Variants in ADGRV1 observed in about 807,000 individuals in gnomAD.
ADGRV1 encodes the protein G-protein coupled receptor 98.
ADGRV1 carries 359 observed loss-of-function variants against 596.2 expected under a neutral mutation model. The observed-to-expected ratio is 0.60, with a 90% CI of 0.55 to 0.66. The LOEUF (loss-of-function observed/expected upper bound fraction) is 0.66. Among genes scored for constraint, ADGRV1 ranks in the 30% least tolerant of loss-of-function variants. ADGRV1 has a pLI of 0.00. For missense variants in ADGRV1, 7,274 were observed against 7,575.6 expected, an observed-to-expected ratio of 0.96 and a Z score of 1.48; for synonymous variants, 2,681 against 2,679.2, an observed-to-expected ratio of 1.00 and a Z score of -0.02.
chr5:90,863,838 C>CA lies in ADGRV1; in HGVS notation c.17838dup (p.Ala5947SerfsTer21), dbSNP rs1429385936. On this transcript the variant is annotated frameshift_variant, in exon 83 of 90. Coordinates refer to ENST00000405460, the MANE Select transcript of ADGRV1 (RefSeq NM_032119.4). LOFTEE classifies it high-confidence loss of function. The stretch of plus-strand genomic sequence containing the variant: ...GCTAAACTTCTGACTCACATGATGG[C>CA]AGCCAGCTTAGGTACACAGGTAGGA... 1 of 1,611,892 alleles carries CA rather than the reference C, an allele frequency of 6.2e-7. No individual in the cohort carries two copies. Among genetic ancestry groups the CA allele is most frequent in the Non-Finnish European group, 8.5e-7 (1 of 1,178,168 alleles).
At chr5:91,114,213 C>T (rs1333256562) in intron 87 of ADGRV1, among the ~76,000 whole-genome samples, 11 of 150,390 alleles carry the variant, frequency 7.3e-5, no homozygotes, top group African/African-American at 2.2e-4. Context: ...TGAGAGACTT[C>T]GTCTCAAAAA....
chr5:91,053,172 G>A (rs1468327975), intron 85 of ADGRV1, among the ~76,000 whole-genome samples: 1 of 152,034 alleles, frequency 6.6e-6, no homozygotes, highest in African/African-American at 2.4e-5. Context: ...AACTGTCTGG[G>A]GTTCTTTTGA....
intron 85 of ADGRV1, among the ~76,000 whole-genome samples, chr5:91,057,573 A>G (rs1787000811): frequency 1.3e-5 from 2 of 152,224 alleles, no homozygotes; most frequent in African/African-American, 2.4e-5. Context: ...TGCTGTTCCT[A>G]TTTTATTTCA....
At chr5:90,955,028 A>G (rs939082006) in intron 83 of ADGRV1, among the ~76,000 whole-genome samples, 3 of 152,004 alleles carry the variant, frequency 2.0e-5, no homozygotes, top group Admixed American at 1.3e-4. Context: ...GTGCACTTAG[A>G]AGAAAAGACC....
chr5:90,988,060 C>T (rs1047028408), intron 85 of ADGRV1, among the ~76,000 whole-genome samples: 7 of 152,108 alleles, frequency 4.6e-5, no homozygotes, highest in South Asian at 2.1e-4. Flanking sequence ...TATTAATAGG[C>T]GGATACCCTG....
intron 86 of ADGRV1, among the ~76,000 whole-genome samples, chr5:91,083,164 T>G (rs564409644): frequency 6.6e-6 from 1 of 150,872 alleles, no homozygotes; most frequent in Admixed American, 6.6e-5. Context: ...CACCGCATGT[T>G]CTCACTCATA....
At chr5:91,047,986 A>G (rs562929570) in intron 85 of ADGRV1, among the ~76,000 whole-genome samples, 14 of 152,356 alleles carry the variant, frequency 9.2e-5, no homozygotes, top group African/African-American at 2.9e-4. Flanking sequence ...AGTTAAAACT[A>G]CTATCCTTCC....
intron 75 of ADGRV1, among the ~76,000 whole-genome samples, chr5:90,817,047 A>G (rs1209636260): frequency 6.6e-6 from 1 of 152,090 alleles, no homozygotes. Flanking sequence ...AAGTGTTCCT[A>G]TTTCTCCACA....
intron 83 of ADGRV1, among the ~76,000 whole-genome samples, chr5:90,871,473 A>G (rs988212207): frequency 2.0e-5 from 3 of 152,240 alleles, no homozygotes; most frequent in African/African-American, 7.2e-5. Context: ...CATGGTCACA[A>G]TACTGGGAAA....
At chr5:90,561,812 A>G (rs1271020710) in intron 1 of ADGRV1, among the ~76,000 whole-genome samples, 3 of 152,228 alleles carry the variant, frequency 2.0e-5, no homozygotes, top group Non-Finnish European at 4.4e-5. Flanking sequence ...TAATTTGGTT[A>G]TAAAATGCAG....
intron 85 of ADGRV1, among the ~76,000 whole-genome samples, chr5:91,048,565 T>C (rs938050266): frequency 6.6e-6 from 1 of 152,194 alleles, no homozygotes; most frequent in Non-Finnish European, 1.5e-5. Context: ...ATTGTAGGTA[T>C]CTTGTTCTCT....
intron 1 of ADGRV1, among the ~76,000 whole-genome samples, chr5:90,575,671 G>A (rs1757108952): frequency 6.6e-6 from 1 of 152,148 alleles, no homozygotes; most frequent in Non-Finnish European, 1.5e-5. Flanking sequence ...CCTTGCCCCA[G>A]GGTTTTGTCT....
intron 61 of ADGRV1, among the ~76,000 whole-genome samples, chr5:90,777,136 A>G (rs1044953869): frequency 6.6e-6 from 1 of 152,144 alleles, no homozygotes; most frequent in Non-Finnish European, 1.5e-5. Context: ...GAAACTTACA[A>G]TTATGGCAGA....
chr5:91,125,218 A>G (rs983941422), intron 87 of ADGRV1, among the ~76,000 whole-genome samples: 1 of 152,228 alleles, frequency 6.6e-6, no homozygotes, highest in Non-Finnish European at 1.5e-5. Flanking sequence ...GGAGAAGCAC[A>G]GAGGTTGACA....
chr5:90,919,021 A>G (rs1773630865), intron 83 of ADGRV1, among the ~76,000 whole-genome samples: 1 of 152,196 alleles, frequency 6.6e-6, no homozygotes, highest in Admixed American at 6.5e-5. Flanking sequence ...CTTTGTTTTA[A>G]TTTGCCTGCT....
At chr5:90,958,283 C>CAAAAAAAAAAAAAAAAAAAA (rs34676985) in intron 83 of ADGRV1, among the ~76,000 whole-genome samples, 2 of 72,840 alleles carry the variant, frequency 2.7e-5, no homozygotes, top group African/African-American at 9.8e-5. Flanking sequence ...GACCTTGTCT[C>CAAAAAAAAAAAAAAAAAAAA]AAAAAAAAAA....
chr5:91,014,097 T>C (rs898146360), intron 85 of ADGRV1, among the ~76,000 whole-genome samples: 1 of 140,254 alleles, frequency 7.1e-6, no homozygotes, highest in Non-Finnish European at 1.5e-5. Context: ...CATGCTGTTT[T>C]GCTTACTGTA....
Position 90,622,621 on chromosome 5 carries a change from C to T in ADGRV1, c.478C>T (p.Pro160Ser). Residue 160 changes from proline to serine, a missense_variant, in exon 5 of 90, where the codon CCC (proline) becomes TCC (serine). Around this residue, in one of 5 missense-constraint regions of ADGRV1, gnomAD observed 1,715 missense variants for 1,708.8 expected, o/e 1.00. Coordinates refer to ENST00000405460, the MANE Select transcript of ADGRV1 (RefSeq NM_032119.4). ...GCTTCCCTCAATCGCAGTGAGTGAG[C>T]CCAAGGGCAGAAATGAGTCTATGCC... ...NMLPSIAVSEPKGRNESMPLT... is the reference protein window; with the variant it reads ...NMLPSIAVSESKGRNESMPLT... 1 of 1,486,614 alleles carries T rather than the reference C, an allele frequency of 6.7e-7. No individual in the cohort carries two copies. Among genetic ancestry groups the T allele is most frequent in the Non-Finnish European group, 9.0e-7 (1 of 1,116,254 alleles). The allele number at this position is 1,486,614 out of a possible 1,614,324, so 92.1% of individuals were successfully genotyped here.
chr5:90,914,609 T>A (rs182513976), intron 83 of ADGRV1, among the ~76,000 whole-genome samples: 2 of 152,304 alleles, frequency 1.3e-5, no homozygotes, highest in Admixed American at 6.5e-5. Context: ...TAAATGTGAT[T>A]ATTTTATCTA....
Sources: gnomAD v4.1 joint callset for allele counts (sites outside exome capture counted in the v4.1 genomes callset) on GRCh38, gnomAD v4.1.1 for gene constraint, gnomAD v4.1.1 regional missense constraint, MANE v1.5 for transcripts, NCBI Gene and HGNC (gene_info 2026-07-23, HGNC 2026-07-21) for gene names.